The following GALNT14 variants were observed in gnomAD, a reference collection of about 807,000 sequenced individuals.
The protein encoded by GALNT14 is UDP-GalNAc:polypeptide N-acetylgalactosaminyltransferase 14.
A neutral mutation model predicts 77.5 loss-of-function variants in GALNT14; 60 were observed. That is an observed-to-expected ratio of 0.77 (90% CI 0.63 to 0.96). GALNT14 has a LOEUF of 0.96. GALNT14 is among the 40% of genes least tolerant of loss of function. GALNT14 has a pLI of 0.00. For missense variants in GALNT14, 710 were observed against 731.0 expected (o/e 0.97, Z 0.33); for synonymous variants, 280 against 281.7 (o/e 0.99, Z 0.06).
the GALNT14 span, among the ~76,000 whole-genome samples, chr2:30,892,276 A>G: frequency 6.6e-6 from 1 of 152,210 alleles, no homozygotes; most frequent in Non-Finnish European, 1.5e-5. Context: ...GAAAGATGCC[A>G]TCTAACAATC....
chr2:31,061,582 T>C (rs959705167), intron 1 of GALNT14, among the ~76,000 whole-genome samples: 9 of 152,122 alleles, frequency 5.9e-5, no homozygotes, highest in African/African-American at 2.2e-4. Flanking sequence ...GGAAACAAAC[T>C]CATCATCCTG....
intron 1 of GALNT14, among the ~76,000 whole-genome samples, chr2:31,111,206 G>A (rs962241160): frequency 2.0e-5 from 3 of 152,136 alleles, no homozygotes; most frequent in African/African-American, 4.8e-5. Flanking sequence ...AGCCTGCAGG[G>A]CACAAGCCTG....
At position 30,912,349 on chromosome 2, in the gene GALNT14, A is replaced by C; in HGVS notation, c.1381-7T>G. The stretch of plus-strand genomic sequence containing the variant: ...TGTATGTGAAGGCCCATACCTGGGG[A>C]GAAAGAGACCAGGAAGGTTTGTTCA... On this transcript the variant is annotated splice_region_variant and splice_polypyrimidine_tract_variant and intron_variant, in intron 13 of 14. Transcript: ENST00000349752. 6.2e-7 allele frequency: 1 copy of C among 1,613,626 alleles called. No homozygotes were observed.
At chr2:30,934,468 TAC>T (rs1665936027) in intron 9 of GALNT14, among the ~76,000 whole-genome samples, 1 of 152,214 alleles carries the variant, frequency 6.6e-6, no homozygotes, top group Non-Finnish European at 1.5e-5. Context: ...GGGTTTCATC[TAC>T]AGTCTCTTCC....
rs137974787 is a variant in GALNT14, at chr2:31,112,339, T to C, written c.129+25619A>G. ...CCTGATCAGCTTGTGAGACGTCCCA[T>C]AGCATTTACTGACCTCGTATTCATA... On this transcript the variant is annotated intron_variant, in intron 1 of 14. Coordinates refer to ENST00000349752, the MANE Select transcript of GALNT14 (RefSeq NM_024572.4). Among the ~76,000 whole-genome samples the C allele has an allele frequency of 3.7e-3, 569 of 152,314 alleles. 4 individuals carry two copies. Among genetic ancestry groups the C allele is most frequent in the African/African-American group, 0.012 (517 of 41,568 alleles).
intron 1 of GALNT14, among the ~76,000 whole-genome samples, chr2:31,128,844 A>G (rs1233368716): frequency 6.6e-6 from 1 of 152,120 alleles, no homozygotes; most frequent in Non-Finnish European, 1.5e-5. Context: ...CATGGGTTAA[A>G]CTTGGCCTTT....
At chr2:31,006,061 G>T (rs1407213437) in intron 1 of GALNT14, among the ~76,000 whole-genome samples, 1 of 152,072 alleles carries the variant, frequency 6.6e-6, no homozygotes, top group Non-Finnish European at 1.5e-5. Context: ...TTGACTTCTG[G>T]TCCCTTCTCC....
chr2:31,101,941 C>T (rs1677302358), intron 1 of GALNT14, among the ~76,000 whole-genome samples: 1 of 152,096 alleles, frequency 6.6e-6, no homozygotes, highest in African/African-American at 2.4e-5. Context: ...GCTGGGCACT[C>T]ATACTTCTCC....
chr2:30,931,369 T>C (rs767498136), intron 10 of GALNT14, among the ~76,000 whole-genome samples: 9 of 151,508 alleles, frequency 5.9e-5, no homozygotes, highest in Non-Finnish European at 1.2e-4. Context: ...GAGGAAAAGA[T>C]GGAAAGAGGA....
At chr2:30,940,560 T>G (rs1285936111) in intron 9 of GALNT14, among the ~76,000 whole-genome samples, 1 of 152,188 alleles carries the variant, frequency 6.6e-6, no homozygotes, top group African/African-American at 2.4e-5. Context: ...TCAGCAGAGA[T>G]TGGATGGCTG....
At chr2:31,037,545 T>C (rs1283804810) in intron 1 of GALNT14, among the ~76,000 whole-genome samples, 3 of 152,240 alleles carry the variant, frequency 2.0e-5, no homozygotes, top group Non-Finnish European at 4.4e-5. Context: ...GTAGAAGTCA[T>C]GCTTTCCCAT....
Position 30,945,788 on chromosome 2 carries a change from C to G in GALNT14, c.737G>C (p.Arg246Thr). The G allele has an allele frequency of 6.2e-7, 1 of 1,614,042 alleles. No homozygotes were observed. Reference protein sequence around the residue: ...FTYIESASELRGGFDWSLHFQ... With the variant: ...FTYIESASELTGGFDWSLHFQ... ...GAGGTGTTAGCCCAACTCACCCCCTCTGAGCTCCGAGGCAGACTCGATGTA... is the reference window on the plus strand; with the variant it reads ...GAGGTGTTAGCCCAACTCACCCCCTGTGAGCTCCGAGGCAGACTCGATGTA... The change falls in exon 7 of 15, where the codon AGA becomes ACA. Residue 246 changes from arginine to threonine, a missense_variant. Physicochemically the swap from Arg to Thr is moderately conservative, Grantham distance 71. Coordinates refer to ENST00000349752, the MANE Select transcript of GALNT14 (RefSeq NM_024572.4).
the GALNT14 span, among the ~76,000 whole-genome samples, chr2:30,888,971 C>T: frequency 2.0e-5 from 3 of 151,634 alleles, no homozygotes; most frequent in Non-Finnish European, 4.4e-5. Context: ...TTGTTATCTC[C>T]CAGTGTAATT....
chr2:30,974,404 C>T (rs980544437), intron 2 of GALNT14, among the ~76,000 whole-genome samples: 3 of 152,240 alleles, frequency 2.0e-5, no homozygotes, highest in Admixed American at 6.5e-5. Context: ...TCTTTAACCT[C>T]TTTCAATGCT....
intron 1 of GALNT14, among the ~76,000 whole-genome samples, chr2:31,096,042 C>T (rs1280590740): frequency 2.0e-5 from 3 of 152,162 alleles, no homozygotes; most frequent in African/African-American, 7.2e-5. Context: ...CACCCATATT[C>T]CTTGGCTCAT....
the GALNT14 span, among the ~76,000 whole-genome samples, chr2:30,903,275 T>C: frequency 6.6e-6 from 1 of 152,226 alleles, no homozygotes; most frequent in Non-Finnish European, 1.5e-5. Context: ...GCTTAGAATA[T>C]AACAGTTCCT....
intron 4 of GALNT14, among the ~76,000 whole-genome samples, chr2:30,956,459 A>T (rs1463862126): frequency 2.6e-5 from 4 of 152,220 alleles, no homozygotes; most frequent in Non-Finnish European, 4.4e-5. Context: ...AGAATGGAGT[A>T]TCCATCCCCT....
At chr2:31,101,579 C>T (rs1291657162) in intron 1 of GALNT14, among the ~76,000 whole-genome samples, 1 of 151,922 alleles carries the variant, frequency 6.6e-6, no homozygotes, top group African/African-American at 2.4e-5. Flanking sequence ...CTTTTCAAAC[C>T]TATTTGCATA....
intron 13 of GALNT14, among the ~76,000 whole-genome samples, chr2:30,921,778 G>A (rs1299462770): frequency 1.3e-5 from 2 of 149,194 alleles, no homozygotes; most frequent in African/African-American, 4.9e-5. Flanking sequence ...CCCTCAGGGG[G>A]CATTTGGTCA....
Sources: allele counts gnomAD v4.1 joint callset (sites outside exome capture counted in the v4.1 genomes callset), GRCh38; gene constraint gnomAD v4.1.1; transcripts MANE v1.5; gene names NCBI Gene and HGNC (gene_info 2026-07-23, HGNC 2026-07-21).